ZNF609: variants seen among roughly 807,000 people sequenced by gnomAD.
ZNF609 encodes the protein zinc finger protein 609.
ZNF609 carries 11 observed loss-of-function variants against 109.5 expected under a neutral mutation model. The observed-to-expected ratio is 0.10, with a 90% CI of 0.06 to 0.17. ZNF609 has a LOEUF of 0.17. ZNF609 is among the 10% of genes least tolerant of loss of function. The probability of loss-of-function intolerance (pLI) is 1.00; values close to 1 mark genes in which losing one functional copy is unlikely to be tolerated. For missense variants in ZNF609, 1,559 were observed against 1,772.4 expected (o/e 0.88, Z 2.16); for synonymous variants, 646 against 662.0 (o/e 0.98, Z 0.37).
chr15:64,649,415 T>C (rs932607708), intron 3 of ZNF609, among the ~76,000 whole-genome samples: 3 of 152,024 alleles, frequency 2.0e-5, no homozygotes, highest in Non-Finnish European at 4.4e-5. Context: ...CACACACACA[T>C]GCACACACCC....
chr15:64,661,954 T>G lies in ZNF609; in HGVS notation c.974-8392T>G, dbSNP rs138640029. Among the ~76,000 whole-genome samples the G allele has an allele frequency of 4.2e-4, 64 of 152,230 alleles. 1 individual carries two copies. In the East Asian group the frequency reaches 0.01, roughly 24 times the overall value. On this transcript the variant is annotated intron_variant, in intron 3 of 9. Transcript: ENST00000326648. Reference sequence around the variant, plus strand: ...CATAGTTGTCTAAAACAATAAATATTATCTCACAGAGTTTCTGTGGCTCAG... The same window carrying G: ...CATAGTTGTCTAAAACAATAAATATGATCTCACAGAGTTTCTGTGGCTCAG...
chr15:64,473,580 A>G (rs1893123951), intron 1 of ZNF609, among the ~76,000 whole-genome samples: 1 of 151,292 alleles, frequency 6.6e-6, no homozygotes, highest in Non-Finnish European at 1.5e-5. Context: ...CTAATTGGAT[A>G]GCCTGACATT....
intron 3 of ZNF609, chr15:64,631,188 G>A: frequency 1.6e-6 from 1 of 616,548 alleles, no homozygotes; most frequent in Admixed American, 2.0e-5. Flanking sequence ...TGCTTCTCTG[G>A]GTAGAGGCTG....
At chr15:64,670,821 T>C (rs915285622) in intron 4 of ZNF609, among the ~76,000 whole-genome samples, 5 of 142,706 alleles carry the variant, frequency 3.5e-5, no homozygotes, top group African/African-American at 1.3e-4. Flanking sequence ...GAGGTTGTGG[T>C]GAGCCAAGAT....
chr15:64,586,504 T>TC (rs1465881414), intron 2 of ZNF609, among the ~76,000 whole-genome samples: 1 of 152,050 alleles, frequency 6.6e-6, no homozygotes. Flanking sequence ...TCCTGTCAGA[T>TC]CAGCATTAGA....
chr15:64,574,569 TG>T (rs2140417049), intron 2 of ZNF609, among the ~76,000 whole-genome samples: 1 of 152,320 alleles, frequency 6.6e-6, no homozygotes, highest in African/African-American at 2.4e-5. Flanking sequence ...AGACAAAATC[TG>T]GACTACATAT....
intron 2 of ZNF609, among the ~76,000 whole-genome samples, chr15:64,617,092 G>C (rs1332412469): frequency 6.6e-6 from 1 of 152,004 alleles, no homozygotes; most frequent in African/African-American, 2.4e-5. Context: ...ACAGGCGTGA[G>C]CCACTGCGTC....
intron 2 of ZNF609, among the ~76,000 whole-genome samples, chr15:64,614,810 C>CTTTTTTTTTTTTTTTTTTTTTTTTTTTTT (rs71133459): frequency 2.9e-5 from 1 of 34,342 alleles, no homozygotes; most frequent in African/African-American, 8.1e-5. Flanking sequence ...TAACATCTCG[C>CTTTTTTTTTTTTTTTTTTTTTTTTTTTTT]TTTTTTTTTT....
chr15:64,548,569 T>C (rs527650351), intron 2 of ZNF609, among the ~76,000 whole-genome samples: 1 of 152,264 alleles, frequency 6.6e-6, no homozygotes, highest in African/African-American at 2.4e-5. Context: ...AAGACCAGCC[T>C]GGACAACATG....
intron 1 of ZNF609, among the ~76,000 whole-genome samples, chr15:64,486,454 G>A (rs1893334965): frequency 6.6e-6 from 1 of 151,676 alleles, no homozygotes; most frequent in African/African-American, 2.4e-5. Context: ...AACCCGGGAG[G>A]TGGAGGTTTC....
Position 64,644,981 on chromosome 15 carries a change from T to TTCTTTCTTTCTTTC in ZNF609, c.973+21930_973+21931insCTTTCTTTCTTTCT, listed in dbSNP as rs67157103. 6.9e-3 allele frequency among the ~76,000 whole-genome samples: 957 copies of TTCTTTCTTTCTTTC among 139,634 alleles called. 5 individuals are homozygous for TTCTTTCTTTCTTTC. The highest frequency in any genetic ancestry group is 0.01 in the African/African-American group (328 of 32,276). The allele number at this position is 139,634 out of a possible 152,430, so 91.6% of individuals were successfully genotyped here. A position where few individuals can be genotyped will look rare whatever the true frequency, so the allele number is the denominator to read the frequency against. ...TTCTTTTCTTTTCTTCTTTCTTTCT[T>TTCTTTCTTTCTTTC]TTTCTTTCTTTCTTTCTTTCTTTCT... is the stretch of plus-strand genomic sequence containing the variant. On this transcript the variant is annotated intron_variant, in intron 3 of 9. Transcript: ENST00000326648.
intron 2 of ZNF609, among the ~76,000 whole-genome samples, chr15:64,523,509 C>T (rs1361127198): frequency 3.9e-5 from 6 of 152,110 alleles, no homozygotes; most frequent in Non-Finnish European, 8.8e-5. Context: ...GGCACAGTGG[C>T]TCAAATCTGT....
In ZNF609 at chr15:64,558,887, CT is replaced by C. The variant is rs78899402; in HGVS notation, c.747+58734del. Among the ~76,000 whole-genome samples, 682 of 144,342 alleles carry C rather than the reference CT, an allele frequency of 4.7e-3. 1 individual carries two copies. The highest frequency in any genetic ancestry group is 0.011 in the Middle Eastern group (3 of 274). The allele number at this position is 144,342 out of a possible 152,430, so 94.7% of individuals were successfully genotyped here. A position where few individuals can be genotyped will look rare whatever the true frequency, so the allele number is the denominator to read the frequency against. On this transcript the variant is annotated intron_variant, in intron 2 of 9. Transcript: ENST00000326648. ...TAGCTTTGAAACTCTAAAATATTTC[CT>C]TTTTTTTTTTTTAGTTGCCATTTCC... is the stretch of plus-strand genomic sequence containing the variant.
Position 64,676,189 on chromosome 15 carries a change from C to A in ZNF609, c.3335C>A (p.Ser1112Tyr). Residue 1112 changes from serine (S) to tyrosine (Y), a missense_variant, in exon 5 of 10, where the codon TCT becomes TAT. By Grantham distance (144) the Ser-to-Tyr change is moderately radical. Transcript: ENST00000326648. Reference protein sequence around the residue: ...SDASHLSKEASEAKTGAECGR... With the variant: ...SDASHLSKEAYEAKTGAECGR... ...GCCAGCCACCTAAGCAAGGAGGCCT[C>A]TGAGGCCAAGACAGGTGCTGAGTGT... 6.2e-7 allele frequency: 1 copy of A among 1,614,170 alleles called. No homozygotes were observed. The highest frequency in any genetic ancestry group is 8.5e-7 in the Non-Finnish European group (1 of 1,180,026).
rs190365302 is a variant in ZNF609 at position 64,598,742 on chromosome 15, G to A, written c.748-24085G>A. Reference sequence around the variant, plus strand: ...CTGTCCATCATACATCTTTGTGTGTGTATATATATATATATATATATATAT... The same window carrying A: ...CTGTCCATCATACATCTTTGTGTGTATATATATATATATATATATATATAT... On this transcript the variant is annotated intron_variant, in intron 2 of 9. Transcript: ENST00000326648. Among the ~76,000 whole-genome samples, 114 of 60,252 alleles carry A rather than the reference G, an allele frequency of 1.9e-3. 2 individuals are homozygous for A. The highest frequency in any genetic ancestry group is 7.0e-3 in the African/African-American group (107 of 15,296). 39.5% of individuals were successfully genotyped at this position (60,252 alleles called of 152,430 possible).
Position 64,550,953 on chromosome 15 carries a change from A to G in ZNF609, c.747+50787A>G, listed in dbSNP as rs533130909. Among the ~76,000 whole-genome samples the G allele has an allele frequency of 6.6e-5, 10 of 152,080 alleles. No homozygotes were observed. The East Asian group carries it at 7.7e-4, about 12-fold the overall frequency. On this transcript the variant is annotated intron_variant, in intron 2 of 9. Transcript: ENST00000326648. ...AGTTTTGATGAAGTCCAGTTTATCT[A>G]TTTTAACATTTGTTACCTGTACTTT... is the stretch of plus-strand genomic sequence containing the variant.
At chr15:64,635,939 G>A (rs902859680) in intron 3 of ZNF609, among the ~76,000 whole-genome samples, 1 of 152,000 alleles carries the variant, frequency 6.6e-6, no homozygotes, top group East Asian at 1.9e-4. Context: ...TCTCCCTCAG[G>A]CTTTACAGAA....
At chr15:64,591,403 G>A (rs1383919609) in intron 2 of ZNF609, among the ~76,000 whole-genome samples, 1 of 152,014 alleles carries the variant, frequency 6.6e-6, no homozygotes, top group Non-Finnish European at 1.5e-5. Context: ...ACTCCAGCCT[G>A]GGCGACAGAG....
At chr15:64,646,294 G>C (rs1415348422) in intron 3 of ZNF609, among the ~76,000 whole-genome samples, 1 of 151,964 alleles carries the variant, frequency 6.6e-6, no homozygotes, top group African/African-American at 2.4e-5. Flanking sequence ...AGGAATTCAA[G>C]ACCAGCCTGG....
Sources: allele counts gnomAD v4.1 joint callset (sites outside exome capture counted in the v4.1 genomes callset), GRCh38; gene constraint gnomAD v4.1.1; transcripts MANE v1.5; gene names NCBI Gene and HGNC (gene_info 2026-07-23, HGNC 2026-07-21).